CLMP: variants seen among roughly 807,000 people sequenced by gnomAD.
CLMP encodes the protein CXADR-like membrane protein.
A neutral mutation model predicts 45.2 loss-of-function variants in CLMP; 27 were observed. The observed-to-expected ratio is 0.60, with a 90% confidence interval of 0.44 to 0.82. The LOEUF is 0.82. CLMP is among the 40% of genes least tolerant of loss of function. The pLI is 0.00. For synonymous variants in CLMP, 167 were observed against 171.4 expected (o/e 0.97, Z 0.20); for missense variants, 403 against 448.4 (o/e 0.90, Z 0.91).
intron 1 of CLMP, among the ~76,000 whole-genome samples, chr11:123,137,844 C>T (rs1235278414): frequency 6.6e-6 from 1 of 152,174 alleles, no homozygotes; most frequent in African/African-American, 2.4e-5. Context: ...GAGCAGCGAC[C>T]CAGACACCAG....
intron 1 of CLMP, among the ~76,000 whole-genome samples, chr11:123,183,293 G>A (rs1199380283): frequency 2.6e-5 from 4 of 152,028 alleles, no homozygotes; most frequent in Middle Eastern, 3.4e-3. Context: ...TGCAGTGGCG[G>A]GATCTCGGCT....
intron 1 of CLMP, among the ~76,000 whole-genome samples, chr11:123,122,003 C>T (rs551437334): frequency 6.6e-6 from 1 of 152,274 alleles, no homozygotes; most frequent in African/African-American, 2.4e-5. Flanking sequence ...TACGGCCTCC[C>T]AAAGTGCTGG....
intron 1 of CLMP, among the ~76,000 whole-genome samples, chr11:123,160,977 CAAA>C (rs547809662): frequency 2.2e-4 from 14 of 64,344 alleles, no homozygotes; most frequent in Non-Finnish European, 2.3e-4. Context: ...GACCCTGCCT[CAAA>C]AAAAAAAAAA....
intron 1 of CLMP, among the ~76,000 whole-genome samples, chr11:123,136,905 C>T (rs1437512502): frequency 6.6e-6 from 1 of 151,858 alleles, no homozygotes; most frequent in Non-Finnish European, 1.5e-5. Context: ...TAGTAATTTA[C>T]CAAAAATGGA....
chr11:123,169,976 T>A (rs1271185482), intron 1 of CLMP, among the ~76,000 whole-genome samples: 1 of 152,212 alleles, frequency 6.6e-6, no homozygotes, highest in African/African-American at 2.4e-5. Context: ...GTTCTTATTA[T>A]GCAGATAAAG....
chr11:123,137,497 C>G (rs2135514153), intron 1 of CLMP, among the ~76,000 whole-genome samples: 1 of 152,120 alleles, frequency 6.6e-6, no homozygotes, highest in Non-Finnish European at 1.5e-5. Context: ...TAAGAATAAA[C>G]AGTTTCACCA....
At chr11:123,136,519 T>C in intron 1 of CLMP, 1 of 232,230 alleles carries the variant, frequency 4.3e-6, no homozygotes, top group Non-Finnish European at 8.0e-6. Context: ...CTCTCCAGTG[T>C]AATATTTCAT....
intron 1 of CLMP, among the ~76,000 whole-genome samples, chr11:123,188,450 T>C (rs530010660): frequency 6.6e-5 from 10 of 151,080 alleles, no homozygotes; most frequent in Admixed American, 6.6e-4. Context: ...CTCTTCCTCC[T>C]CTTCTTCCTC....
chr11:123,112,232 G>A (rs2135491945), intron 1 of CLMP, among the ~76,000 whole-genome samples: 1 of 152,228 alleles, frequency 6.6e-6, no homozygotes, highest in Admixed American at 6.5e-5. Context: ...ACCCTGGAAT[G>A]CTCTGACTAT....
chr11:123,189,590 G>A (rs1382971256), intron 1 of CLMP, among the ~76,000 whole-genome samples: 2 of 152,122 alleles, frequency 1.3e-5, no homozygotes, highest in Non-Finnish European at 2.9e-5. Flanking sequence ...ACTACAAGTG[G>A]GCTGGTAATA....
At chr11:123,161,657 G>A (rs902603428) in intron 1 of CLMP, among the ~76,000 whole-genome samples, 3 of 152,022 alleles carry the variant, frequency 2.0e-5, no homozygotes, top group South Asian at 2.1e-4. Flanking sequence ...GCCTGGCAAC[G>A]GAACAAGATT....
At chr11:123,179,783 C>T (rs1309681718) in intron 1 of CLMP, among the ~76,000 whole-genome samples, 1 of 152,208 alleles carries the variant, frequency 6.6e-6, no homozygotes, top group Admixed American at 6.5e-5. Flanking sequence ...GGGAGCCAGG[C>T]CCCTTGGCTG....
intron 1 of CLMP, among the ~76,000 whole-genome samples, chr11:123,158,623 G>A (rs142097883): frequency 2.6e-5 from 4 of 152,298 alleles, no homozygotes; most frequent in East Asian, 1.9e-4. Flanking sequence ...AGACCACAAA[G>A]CCAGGAGACT....
At chr11:123,093,868 G>A (rs777245035) in intron 2 of CLMP, among the ~76,000 whole-genome samples, 3 of 152,150 alleles carry the variant, frequency 2.0e-5, no homozygotes, top group Non-Finnish European at 4.4e-5. Flanking sequence ...AACAGATGGA[G>A]CAGCTCAACT....
chr11:123,082,613 G>T (rs544506334), intron 5 of CLMP, among the ~76,000 whole-genome samples: 52 of 141,602 alleles, frequency 3.7e-4, no homozygotes, highest in African/African-American at 9.0e-4. Flanking sequence ...TTTTTTTTGT[G>T]TGTGTTTTTT....
intron 5 of CLMP, among the ~76,000 whole-genome samples, chr11:123,081,167 C>CA (rs911037355): frequency 4.9e-4 from 72 of 147,128 alleles, no homozygotes; most frequent in African/African-American, 1.7e-3. Flanking sequence ...AAACAAAAAA[C>CA]AAAAAAAAAC....
Position 123,073,419 on chromosome 11 carries a change from A to AAG in CLMP, c.*53_*54dup. On this transcript the variant is annotated 3_prime_UTR_variant, in exon 7 of 7. Coordinates refer to ENST00000448775, the MANE Select transcript of CLMP (RefSeq NM_024769.5). ...TGGTGACTTGAGCTCCAATGACGAG[A>AAG]AGAGTCCAAAGACCCTGACTCCTAG... 1 of 1,534,138 alleles carries AAG rather than the reference A, an allele frequency of 6.5e-7. No individual in the cohort carries two copies. The highest frequency in any genetic ancestry group is 8.8e-7 in the Non-Finnish European group (1 of 1,139,140).
chr11:123,074,907 T>A (rs1162338425), intron 5 of CLMP, 64 bp from the exon 6 acceptor site: 7 of 1,533,010 alleles, frequency 4.6e-6, no homozygotes, highest in Non-Finnish European at 6.2e-6. Flanking sequence ...TGTTATTAAC[T>A]CAAAAAACAT....
intron 1 of CLMP, among the ~76,000 whole-genome samples, chr11:123,129,173 A>G (rs1186376605): frequency 6.6e-6 from 1 of 151,850 alleles, no homozygotes; most frequent in Non-Finnish European, 1.5e-5. Flanking sequence ...ACACAAAAAT[A>G]CAAAAAATTA....
Sources: gnomAD v4.1 joint callset for allele counts (sites outside exome capture counted in the v4.1 genomes callset) on GRCh38, gnomAD v4.1.1 for gene constraint, MANE v1.5 for transcripts, NCBI Gene and HGNC (gene_info 2026-07-23, HGNC 2026-07-21) for gene names.